Variants in CCDC148 observed in about 807,000 individuals in gnomAD.
CCDC148 encodes the protein coiled-coil domain containing 148.
A neutral mutation model predicts 85.7 loss-of-function variants in CCDC148; 89 were observed. The ratio of observed to expected loss-of-function variants is 1.04; its 90% CI spans 0.87 to 1.24. The LOEUF (loss-of-function observed/expected upper bound fraction) is 1.24, where lower values mean the gene tolerates loss of function less well. Among genes scored for constraint, CCDC148 ranks in the 50% most tolerant of loss-of-function variants. The pLI is 0.00. For synonymous variants in CCDC148, 230 were observed against 213.9 expected (o/e 1.08, Z -0.66); for missense variants, 692 against 671.7 (o/e 1.03, Z -0.33).
At chr2:158,439,676 T>C (rs1271994553) in intron 1 of CCDC148, among the ~76,000 whole-genome samples, 1 of 152,116 alleles carries the variant, frequency 6.6e-6, no homozygotes, top group Non-Finnish European at 1.5e-5. Context: ...CATGTATATA[T>C]GCTGGCAACA....
chr2:158,342,026 C>CTTTTTTTT (rs1159799812), intron 3 of CCDC148, among the ~76,000 whole-genome samples: 1 of 62,660 alleles, frequency 1.6e-5, no homozygotes, highest in African/African-American at 7.2e-5. Context: ...ATTTTCTTTT[C>CTTTTTTTT]TTTTTTTTTT....
chr2:158,264,454 G>A lies in CCDC148; in HGVS notation c.1111-13542C>T, dbSNP rs369634542. Among the ~76,000 whole-genome samples the A allele has an allele frequency of 1.3e-4, 20 of 152,152 alleles. 2 individuals carry two copies. Among genetic ancestry groups the A allele is most frequent in the Admixed American group, 7.2e-4 (11 of 15,260 alleles). ...TTATCATCAGCAGAACCCCCTTCAC[G>A]TGGGATGTTATTCAGCAATGAATAT... is the stretch of plus-strand genomic sequence containing the variant. On this transcript the variant is annotated intron_variant, in intron 9 of 13. Transcript: ENST00000283233.
intron 1 of CCDC148, among the ~76,000 whole-genome samples, chr2:158,443,089 G>T (rs1023337146): frequency 2.0e-5 from 3 of 152,018 alleles, no homozygotes; most frequent in African/African-American, 7.2e-5. Context: ...CCCTTGTTAA[G>T]GTAGGGGTAA....
chr2:158,444,811 G>T (rs1046412796), intron 1 of CCDC148, among the ~76,000 whole-genome samples: 56 of 79,532 alleles, frequency 7.0e-4, no homozygotes, highest in Admixed American at 3.1e-3. Flanking sequence ...AAAAAAAAAA[G>T]ATTTACAAGA....
At chr2:158,244,561 C>T (rs1027453628) in intron 10 of CCDC148, among the ~76,000 whole-genome samples, 1 of 152,132 alleles carries the variant, frequency 6.6e-6, no homozygotes, top group African/African-American at 2.4e-5. Context: ...CTTGAGGCCA[C>T]CACATTCCTT....
intron 1 of CCDC148, among the ~76,000 whole-genome samples, chr2:158,371,137 A>G (rs1026943208): frequency 3.3e-5 from 5 of 152,040 alleles, no homozygotes. Context: ...TATTTTACCA[A>G]TTAAAAAAGA....
At chr2:158,210,534 T>C (rs751503735) in intron 11 of CCDC148, among the ~76,000 whole-genome samples, 2 of 152,050 alleles carry the variant, frequency 1.3e-5, no homozygotes, top group Non-Finnish European at 1.5e-5. Flanking sequence ...ACATCACACT[T>C]ACTCTAAAAT....
At chr2:158,404,500 ACTC>A (rs1284946414) in intron 1 of CCDC148, among the ~76,000 whole-genome samples, 1 of 152,016 alleles carries the variant, frequency 6.6e-6, no homozygotes, top group African/African-American at 2.4e-5. Flanking sequence ...AGCATCACAA[ACTC>A]CTCTTCAGCA....
intron 11 of CCDC148, among the ~76,000 whole-genome samples, chr2:158,195,176 G>A (rs1368361397): frequency 1.3e-5 from 2 of 151,866 alleles, no homozygotes; most frequent in Non-Finnish European, 2.9e-5. Flanking sequence ...GGCTTATTCT[G>A]TGTATTTGAG....
chr2:158,386,839 T>C (rs1245190582), intron 1 of CCDC148, among the ~76,000 whole-genome samples: 2 of 152,078 alleles, frequency 1.3e-5, no homozygotes, highest in African/African-American at 4.8e-5. Flanking sequence ...ACAGAACAAT[T>C]CAATCTGCAT....
At chr2:158,209,583 G>A (rs1473934343) in intron 11 of CCDC148, among the ~76,000 whole-genome samples, 1 of 152,142 alleles carries the variant, frequency 6.6e-6, no homozygotes, top group African/African-American at 2.4e-5. Context: ...GGTTACCCAC[G>A]AAGGGATGCC....
intron 10 of CCDC148, among the ~76,000 whole-genome samples, chr2:158,229,310 C>T (rs1016557336): frequency 1.2e-4 from 18 of 152,160 alleles, no homozygotes; most frequent in Non-Finnish European, 2.4e-4. Flanking sequence ...CAGCTCTCAT[C>T]ACAAGGCTTT....
chr2:158,305,222 A>T (rs915071622), intron 9 of CCDC148, among the ~76,000 whole-genome samples: 3 of 152,168 alleles, frequency 2.0e-5, no homozygotes, highest in Non-Finnish European at 4.4e-5. Context: ...TGAAGAAACC[A>T]TCTTCTCCTG....
chr2:158,296,945 C>T (rs1691216993), intron 9 of CCDC148, among the ~76,000 whole-genome samples: 3 of 152,156 alleles, frequency 2.0e-5, no homozygotes, highest in Admixed American at 2.0e-4. Flanking sequence ...GCCTATGGTT[C>T]CTCAGAGCTC....
At chr2:158,256,980 GTC>G (rs1689038812) in intron 9 of CCDC148, among the ~76,000 whole-genome samples, 1 of 151,738 alleles carries the variant, frequency 6.6e-6, no homozygotes, top group Non-Finnish European at 1.5e-5. Flanking sequence ...GCATCTGCCA[GTC>G]AGTAAGGGTT....
chr2:158,330,581 T>C (rs1457575458), intron 7 of CCDC148, among the ~76,000 whole-genome samples: 1 of 152,224 alleles, frequency 6.6e-6, no homozygotes, highest in African/African-American at 2.4e-5. Flanking sequence ...TCAGAAGGAA[T>C]GGTACCAGCT....
intron 9 of CCDC148, among the ~76,000 whole-genome samples, chr2:158,263,298 C>T (rs1689311893): frequency 6.6e-6 from 1 of 152,124 alleles, no homozygotes; most frequent in East Asian, 1.9e-4. Flanking sequence ...TAGAGGGCAC[C>T]TACCTGTTCT....
At chr2:158,405,818 G>T (rs1439740075) in intron 1 of CCDC148, among the ~76,000 whole-genome samples, 2 of 152,106 alleles carry the variant, frequency 1.3e-5, no homozygotes, top group Non-Finnish European at 2.9e-5. Flanking sequence ...TACATTCATT[G>T]AATATTGTAA....
At chr2:158,352,409 T>A (rs542906899) in intron 2 of CCDC148, among the ~76,000 whole-genome samples, 7,892 of 151,876 alleles carry the variant, frequency 0.052, 370 homozygotes, top group African/African-American at 0.13. Flanking sequence ...AAACCAAGGC[T>A]CGAGAACTAC....
Sources: allele counts gnomAD v4.1 joint callset (sites outside exome capture counted in the v4.1 genomes callset), GRCh38; gene constraint gnomAD v4.1.1; transcripts MANE v1.5; gene names NCBI Gene and HGNC (gene_info 2026-07-23, HGNC 2026-07-21).